DMD: variants seen among roughly 807,000 people sequenced by gnomAD.
The protein encoded by DMD is dystrophin.
Under a neutral mutation model 330.1 loss-of-function variants are expected in DMD, and 63 were observed. The ratio of observed to expected loss-of-function variants is 0.19; its 90% CI spans 0.16 to 0.24. The LOEUF (loss-of-function observed/expected upper bound fraction) is 0.24, where lower values mean the gene tolerates loss of function less well. Ranked by LOEUF, DMD falls within the 10% of genes least tolerant of loss-of-function variation. The probability of loss-of-function intolerance (pLI) is 1.00; values close to 1 mark genes in which losing one functional copy is unlikely to be tolerated. For missense variants in DMD, 3,344 were observed against 2,684.1 expected (o/e 1.25, Z -5.43); for synonymous variants, 1,223 against 959.8 (o/e 1.27, Z -5.07).
intron 17 of DMD, among the ~76,000 whole-genome samples, chrX:32,533,022 GC>G (rs2047625809): frequency 9.0e-6 from 1 of 111,597 alleles, no homozygotes; most frequent in Admixed American, 9.5e-5. Context: ...AGCTATAGCA[GC>G]AGAGTTGAGT....
intron 1 of DMD, among the ~76,000 whole-genome samples, chrX:33,277,384 T>C (rs763793087): frequency 1.9e-4 from 21 of 111,489 alleles, no homozygotes; most frequent in African/African-American, 6.8e-4. Context: ...CGAAATGCTA[T>C]TGAATTGTAC....
intron 13 of DMD, among the ~76,000 whole-genome samples, chrX:32,578,618 C>A (rs1013022867): frequency 8.9e-6 from 1 of 111,817 alleles, no homozygotes; most frequent in African/African-American, 3.3e-5. Context: ...ACTAAAAGAA[C>A]ATTTGGATAA....
At chrX:32,233,596 TTC>T (rs2097176278) in intron 43 of DMD, among the ~76,000 whole-genome samples, 1 of 97,676 alleles carries the variant, frequency 1.0e-5, no homozygotes, top group Admixed American at 1.2e-4. Context: ...CAATTTCTTT[TTC>T]TTTTATTTAT....
intron 1 of DMD, among the ~76,000 whole-genome samples, chrX:33,109,728 C>T (rs1454857503): frequency 1.8e-5 from 2 of 110,916 alleles, no homozygotes; most frequent in Non-Finnish European, 3.8e-5. Flanking sequence ...GTTTTTTTTC[C>T]CCTTACAGGT....
At chrX:33,025,484 C>T (rs762883685) in intron 1 of DMD, among the ~76,000 whole-genome samples, 3 of 107,786 alleles carry the variant, frequency 2.8e-5, no homozygotes, top group African/African-American at 1.0e-4. Context: ...AAAAAAAAAA[C>T]AGAAAAACAG....
At chrX:33,082,948 T>A (rs1229555130) in intron 1 of DMD, among the ~76,000 whole-genome samples, 1 of 112,120 alleles carries the variant, frequency 8.9e-6, no homozygotes, top group African/African-American at 3.2e-5. Context: ...ACAAACTACA[T>A]CAGATGTGCT....
chrX:31,493,851 AG>A (rs766936154), intron 57 of DMD, among the ~76,000 whole-genome samples: 143 of 111,935 alleles, frequency 1.3e-3, no homozygotes, highest in African/African-American at 4.6e-3. Flanking sequence ...AATAGTAGAC[AG>A]TCAAAAACAA....
At chrX:32,538,959 C>T (rs1343313981) in intron 17 of DMD, among the ~76,000 whole-genome samples, 1 of 110,326 alleles carries the variant, frequency 9.1e-6, no homozygotes, top group African/African-American at 3.3e-5. Flanking sequence ...AAAGAAGGTC[C>T]CAGGTGATGA....
At chrX:32,161,441 G>A (rs1446749079) in intron 44 of DMD, among the ~76,000 whole-genome samples, 1 of 111,557 alleles carries the variant, frequency 9.0e-6, no homozygotes, top group African/African-American at 3.3e-5. Flanking sequence ...CCAACTAGGG[G>A]AGCTTATACA....
intron 1 of DMD, among the ~76,000 whole-genome samples, chrX:33,196,014 A>C (rs2050912894): frequency 9.0e-6 from 1 of 111,516 alleles, no homozygotes; most frequent in Admixed American, 9.6e-5. Context: ...TAGGGGATAT[A>C]ATTGCTTGTC....
chrX:32,780,375 T>C (rs919710985), intron 7 of DMD, among the ~76,000 whole-genome samples: 9 of 112,451 alleles, frequency 8.0e-5, no homozygotes, highest in Admixed American at 5.7e-4. Flanking sequence ...TAACAGCTTA[T>C]TCTGTAAGAA....
chrX:31,742,404 T>A (rs1275601886), intron 51 of DMD, among the ~76,000 whole-genome samples: 1 of 112,173 alleles, frequency 8.9e-6, no homozygotes, highest in African/African-American at 3.2e-5. Flanking sequence ...GTGACTCTTT[T>A]TTTTCCCATG....
chrX:33,295,361 T>C (rs1391196460), intron 1 of DMD, among the ~76,000 whole-genome samples: 1 of 110,651 alleles, frequency 9.0e-6, no homozygotes, highest in African/African-American at 3.3e-5. Context: ...GGTTGAAGTA[T>C]TTACACCACA....
intron 1 of DMD, among the ~76,000 whole-genome samples, chrX:33,117,323 A>G (rs5927144): frequency 0.44 from 47,874 of 109,379 alleles, 8,437 homozygotes; most frequent in Non-Finnish European, 0.54. Flanking sequence ...ATAGTACTCT[A>G]TTGTTACTTG....
intron 43 of DMD, among the ~76,000 whole-genome samples, chrX:32,230,169 T>A (rs977133501): frequency 8.9e-5 from 10 of 112,368 alleles, no homozygotes; most frequent in African/African-American, 1.6e-4. Context: ...TAAGTAATTT[T>A]AATACAAATA....
chrX:32,599,813 C>T (rs1383676291), intron 12 of DMD, among the ~76,000 whole-genome samples: 1 of 111,564 alleles, frequency 9.0e-6, no homozygotes, highest in Non-Finnish European at 1.9e-5. Flanking sequence ...GTAACACTTA[C>T]CAGATTTCAA....
At chrX:32,769,288 C>T (rs1297887415) in intron 7 of DMD, among the ~76,000 whole-genome samples, 2 of 111,541 alleles carry the variant, frequency 1.8e-5, no homozygotes, top group Non-Finnish European at 1.9e-5. Flanking sequence ...TGGTGGCAGA[C>T]GAGAAGGTAA....
chrX:31,863,690 A>G lies in DMD; in HGVS notation c.7098+11498T>C, dbSNP rs567416614. On this transcript the variant is annotated intron_variant, in intron 48 of 78. Coordinates refer to ENST00000357033, the MANE Select transcript of DMD (RefSeq NM_004006.3). The stretch of plus-strand genomic sequence containing the variant: ...AGGTTATTTGGTTATTACTAAGTGT[A>G]TTTATTATTAATACTTTAAATACTA... Among the ~76,000 whole-genome samples, 3 of 111,789 alleles carry G rather than the reference A, an allele frequency of 2.7e-5. No homozygotes were observed. In the South Asian group the frequency reaches 1.1e-3, roughly 42 times the overall value.
intron 7 of DMD, among the ~76,000 whole-genome samples, chrX:32,782,837 C>G (rs1884274): frequency 0.16 from 17,604 of 107,065 alleles, 1,925 homozygotes; most frequent in African/African-American, 0.39. Context: ...TTGTATGCCT[C>G]TATCAAAACA....
Sources: gnomAD v4.1 joint callset for allele counts (sites outside exome capture counted in the v4.1 genomes callset) on GRCh38, gnomAD v4.1.1 for gene constraint, MANE v1.5 for transcripts, NCBI Gene and HGNC (gene_info 2026-07-23, HGNC 2026-07-21) for gene names.